Variants in NEXMIF observed in about 807,000 individuals in gnomAD.
NEXMIF encodes neurite extension and migration factor, also known as XLMR protein related to neurite extension.
A neutral mutation model predicts 62.1 loss-of-function variants in NEXMIF; 8 were observed. The observed-to-expected ratio is 0.13, with a 90% CI of 0.08 to 0.23. The LOEUF (loss-of-function observed/expected upper bound fraction) is 0.23, where lower values mean the gene tolerates loss of function less well. NEXMIF is among the 10% of genes least tolerant of loss of function. The probability of loss-of-function intolerance (pLI) is 1.00; values close to 1 mark genes in which losing one functional copy is unlikely to be tolerated. For missense variants in NEXMIF, 976 were observed against 1,113.3 expected, an observed-to-expected ratio of 0.88 and a Z score of 1.75; for synonymous variants, 404 against 416.6, an observed-to-expected ratio of 0.97 and a Z score of 0.37.
chrX:74,868,622 G>C (rs1289288131), intron 1 of NEXMIF, among the ~76,000 whole-genome samples: 1 of 93,932 alleles, frequency 1.1e-5, no homozygotes, highest in Non-Finnish European at 2.1e-5. Context: ...ACTGGGGCCT[G>C]TTGGGGGGTG....
intron 1 of NEXMIF, among the ~76,000 whole-genome samples, chrX:74,836,220 A>T (rs955948386): frequency 2.7e-5 from 3 of 112,553 alleles, no homozygotes; most frequent in Non-Finnish European, 5.6e-5. Context: ...CAGGTCCAGA[A>T]ATGCCATCCA....
At chrX:74,876,105 C>T (rs1416541312) in intron 1 of NEXMIF, among the ~76,000 whole-genome samples, 1 of 111,049 alleles carries the variant, frequency 9.0e-6, no homozygotes, top group Admixed American at 9.6e-5. Flanking sequence ...TTGGATCTTT[C>T]CTGCTTTCTC....
At chrX:74,906,176 G>A (rs2147371546) in intron 1 of NEXMIF, among the ~76,000 whole-genome samples, 1 of 109,746 alleles carries the variant, frequency 9.1e-6, no homozygotes, top group African/African-American at 3.3e-5. Flanking sequence ...GGGAGGCTGA[G>A]GCAGGAGGAT....
At chrX:74,791,241 G>T (rs1320044003) in intron 1 of NEXMIF, among the ~76,000 whole-genome samples, 2 of 111,691 alleles carry the variant, frequency 1.8e-5, no homozygotes, top group Admixed American at 9.5e-5. Context: ...TAATCATGTG[G>T]TTTTTGTCTT....
chrX:74,752,693 G>A (rs1187048421), intron 1 of NEXMIF, among the ~76,000 whole-genome samples: 2 of 111,744 alleles, frequency 1.8e-5, no homozygotes, highest in Non-Finnish European at 3.8e-5. Context: ...TTCAAGTCAA[G>A]AATAGCCAGC....
chrX:74,857,476 A>C (rs2080539494), intron 1 of NEXMIF, among the ~76,000 whole-genome samples: 1 of 112,010 alleles, frequency 8.9e-6, no homozygotes, highest in Admixed American at 9.4e-5. Context: ...TCATCTGCTG[A>C]CTAAAGAGCA....
chrX:74,843,334 T>C (rs2080480058), intron 1 of NEXMIF, among the ~76,000 whole-genome samples: 1 of 111,661 alleles, frequency 9.0e-6, no homozygotes, highest in South Asian at 3.8e-4. Flanking sequence ...TAGATTTTCA[T>C]GCATCCCTTT....
chrX:74,808,172 G>A (rs1466720124), intron 1 of NEXMIF, among the ~76,000 whole-genome samples: 2 of 111,305 alleles, frequency 1.8e-5, no homozygotes, highest in Non-Finnish European at 3.8e-5. Context: ...GGGAGGCCAA[G>A]GTGGGCAGAT....
At chrX:74,801,609 C>A (rs756512440) in intron 1 of NEXMIF, among the ~76,000 whole-genome samples, 1 of 112,018 alleles carries the variant, frequency 8.9e-6, no homozygotes, top group Non-Finnish European at 1.9e-5. Flanking sequence ...GACTTGCTGG[C>A]TTCAGGAGAG....
At chrX:74,852,160 G>T (rs954385927) in intron 1 of NEXMIF, among the ~76,000 whole-genome samples, 1 of 110,544 alleles carries the variant, frequency 9.0e-6, no homozygotes, top group Admixed American at 9.6e-5. Context: ...AATGAGCAAG[G>T]GTAGCTATGT....
At chrX:74,900,602 G>A in intron 1 of NEXMIF, among the ~76,000 whole-genome samples, 1 of 111,970 alleles carries the variant, frequency 8.9e-6, no homozygotes, top group East Asian at 2.8e-4. Flanking sequence ...GGAAAGCAGT[G>A]TGGAAATTCT....
intron 1 of NEXMIF, among the ~76,000 whole-genome samples, chrX:74,903,221 C>CATTTGGCAGGGGAAA (rs2080754285): frequency 9.1e-6 from 1 of 110,326 alleles, no homozygotes; most frequent in African/African-American, 3.3e-5. Context: ...AGAAGAAAAT[C>CATTTGGCAGGGGAAA]ATTTGGCAGG....
chrX:74,908,206 T>G (rs1212346314), intron 1 of NEXMIF, among the ~76,000 whole-genome samples: 1 of 112,086 alleles, frequency 8.9e-6, no homozygotes, highest in East Asian at 2.8e-4. Context: ...ACACTTTTCC[T>G]TTCAGTGCAT....
chrX:74,913,106 G>T (rs2080795947), intron 1 of NEXMIF, among the ~76,000 whole-genome samples: 1 of 112,165 alleles, frequency 8.9e-6, no homozygotes, highest in African/African-American at 3.2e-5. Context: ...ATGAAAAAAG[G>T]CAATTGATAG....
At chrX:74,863,974 C>T (rs1348756931) in intron 1 of NEXMIF, among the ~76,000 whole-genome samples, 1 of 112,186 alleles carries the variant, frequency 8.9e-6, no homozygotes, top group Non-Finnish European at 1.9e-5. Context: ...AATCAATAAA[C>T]ATAACTGATC....
chrX:74,804,885 T>A lies in NEXMIF; in HGVS notation c.-47-59188A>T, dbSNP rs145069221. On this transcript the variant is annotated intron_variant, in intron 1 of 3. Transcript: ENST00000055682. The stretch of plus-strand genomic sequence containing the variant: ...TTTAGAGCCCCAGAGCATTTTAGCC[T>A]GTGTTGCAGAGGCTTGCTGGAACTC... Among the ~76,000 whole-genome samples, 433 of 112,060 alleles carry A rather than the reference T, an allele frequency of 3.9e-3. 1 individual carries two copies. The highest frequency in any genetic ancestry group is 0.018 in the Middle Eastern group (4 of 218).
chrX:74,810,650 A>G (rs1357863920), intron 1 of NEXMIF, among the ~76,000 whole-genome samples: 1 of 108,075 alleles, frequency 9.3e-6, no homozygotes, highest in Admixed American at 1.0e-4. Flanking sequence ...AAAAAAAAAA[A>G]GGAAATCTGT....
intron 1 of NEXMIF, among the ~76,000 whole-genome samples, chrX:74,754,309 T>A (rs1454795743): frequency 3.9e-5 from 4 of 103,362 alleles, no homozygotes; most frequent in African/African-American, 1.4e-4. Context: ...TTTTTATTTT[T>A]TTATTTTTTT....
intron 1 of NEXMIF, among the ~76,000 whole-genome samples, chrX:74,791,378 C>T (rs1263938845): frequency 1.8e-5 from 2 of 111,447 alleles, no homozygotes; most frequent in African/African-American, 6.5e-5. Flanking sequence ...ATTCGGTTTG[C>T]CAGTATTTTA....
Sources: allele counts gnomAD v4.1 joint callset (sites outside exome capture counted in the v4.1 genomes callset), GRCh38; gene constraint gnomAD v4.1.1; transcripts MANE v1.5; gene names NCBI Gene and HGNC (gene_info 2026-07-23, HGNC 2026-07-21).